Variants in ACVR1 observed in about 807,000 individuals in gnomAD.
ACVR1 encodes the protein activin A receptor type 1.
A neutral mutation model predicts 57.1 loss-of-function variants in ACVR1; 38 were observed. The ratio of observed to expected loss-of-function variants is 0.67; its 90% confidence interval spans 0.51 to 0.87. The LOEUF is 0.87. Among genes scored for constraint, ACVR1 ranks in the 40% least tolerant of loss-of-function variants. The pLI is 0.00. For missense variants in ACVR1, 463 were observed against 638.2 expected, an observed-to-expected ratio of 0.73 and a Z score of 2.96; for synonymous variants, 212 against 228.1, an observed-to-expected ratio of 0.93 and a Z score of 0.63.
intron 2 of ACVR1, among the ~76,000 whole-genome samples, chr2:157,800,341 A>G (rs560468658): frequency 6.4e-4 from 98 of 152,166 alleles, no homozygotes; most frequent in Admixed American, 2.0e-3. Flanking sequence ...AAATCAAATT[A>G]TTTAGGCTGG....
At chr2:157,752,186 CT>C (rs576968217) in intron 9 of ACVR1, among the ~76,000 whole-genome samples, 9 of 152,152 alleles carry the variant, frequency 5.9e-5, no homozygotes, top group Non-Finnish European at 1.2e-4. Context: ...GTGTGGGTGG[CT>C]AGATCCAGAA....
intron 8 of ACVR1, among the ~76,000 whole-genome samples, chr2:157,762,899 T>C (rs1042024382): frequency 1.3e-5 from 2 of 152,180 alleles, no homozygotes; most frequent in African/African-American, 4.8e-5. Flanking sequence ...CAGCTCTGGT[T>C]GAGCGTTCAG....
At chr2:157,799,331 T>C (rs1437650561) in intron 3 of ACVR1, 96 bp downstream of exon 3, 5 of 818,222 alleles carry the variant, frequency 6.1e-6, no homozygotes, top group Admixed American at 4.0e-5. Flanking sequence ...AAAAAGAGTG[T>C]TTTAAGTTTG....
intron 1 of ACVR1, among the ~76,000 whole-genome samples, chr2:157,847,829 A>AG (rs1689170297): frequency 6.6e-6 from 1 of 152,162 alleles, no homozygotes; most frequent in South Asian, 2.1e-4. Flanking sequence ...TGAACTGGGG[A>AG]GGGGGCGAGG....
chr2:157,813,800 G>A (rs1649287424), intron 2 of ACVR1, among the ~76,000 whole-genome samples: 2 of 152,148 alleles, frequency 1.3e-5, no homozygotes, highest in South Asian at 2.1e-4. Context: ...CTTGGTTACA[G>A]CAATTCAACC....
intron 1 of ACVR1, among the ~76,000 whole-genome samples, chr2:157,818,841 G>A (rs1171572093): frequency 6.6e-6 from 1 of 152,050 alleles, no homozygotes; most frequent in Admixed American, 6.5e-5. Flanking sequence ...CACTTTGGGA[G>A]GCCGAGGCGG....
At chr2:157,871,445 G>A (rs1690110695) in intron 1 of ACVR1, among the ~76,000 whole-genome samples, 1 of 152,166 alleles carries the variant, frequency 6.6e-6, no homozygotes, top group African/African-American at 2.4e-5. Context: ...TATGCTAAAA[G>A]TGGTCTCACC....
chr2:157,774,175 G>A lies in ACVR1; in HGVS notation c.556C>T (p.His186Tyr), dbSNP rs751891766. Residue 186 changes from histidine to tyrosine, a missense_variant, in exon 6 of 11, where the codon CAT becomes TAT. Physicochemically the swap from His to Tyr is moderately conservative, Grantham distance 83. Transcript: ENST00000434821. ...GAGCCACTTCCTGATGTACACGAAT[G>A]ATCCAATAAATCCTGTGGTTTAAGA... Reference protein sequence around the residue: ...GDSTLADLLDHSCTSGSGSGL... With the variant: ...GDSTLADLLDYSCTSGSGSGL... The A allele has an allele frequency of 6.2e-7, 1 of 1,613,906 alleles. No homozygotes were observed. Among genetic ancestry groups the A allele is most frequent in the Non-Finnish European group, 8.5e-7 (1 of 1,179,838 alleles).
chr2:157,769,835 G>A (rs960892051), intron 7 of ACVR1, among the ~76,000 whole-genome samples: 3 of 152,096 alleles, frequency 2.0e-5, no homozygotes, highest in Admixed American at 1.3e-4. Flanking sequence ...GTATTTCAAC[G>A]GGCACTTTAC....
intron 2 of ACVR1, among the ~76,000 whole-genome samples, chr2:157,817,192 G>A (rs1217170341): frequency 2.0e-5 from 3 of 151,890 alleles, no homozygotes; most frequent in African/African-American, 4.8e-5. Context: ...CAAACTCCTG[G>A]GCATAACCAA....
At chr2:157,858,882 G>A (rs556725821) in intron 1 of ACVR1, among the ~76,000 whole-genome samples, 15 of 152,186 alleles carry the variant, frequency 9.9e-5, no homozygotes, top group African/African-American at 3.6e-4. Context: ...GCCTCCCTAA[G>A]TGCTAGAATT....
intron 1 of ACVR1, among the ~76,000 whole-genome samples, chr2:157,850,604 C>T (rs1689261665): frequency 1.3e-5 from 2 of 152,152 alleles, no homozygotes; most frequent in South Asian, 4.1e-4. Context: ...GACTTGACAA[C>T]ATCTCTTATG....
intron 9 of ACVR1, among the ~76,000 whole-genome samples, chr2:157,752,318 G>A (rs1685233819): frequency 6.6e-6 from 1 of 152,200 alleles, no homozygotes. Flanking sequence ...GCAGCCTTGA[G>A]CCCCAGACCT....
intron 1 of ACVR1, among the ~76,000 whole-genome samples, chr2:157,839,504 A>G (rs1688904374): frequency 6.6e-6 from 1 of 152,194 alleles, no homozygotes; most frequent in African/African-American, 2.4e-5. Context: ...CCCAAAATGA[A>G]TCTGAATGGC....
chr2:157,779,509 T>TA (rs1360500515), intron 4 of ACVR1, among the ~76,000 whole-genome samples: 1 of 152,242 alleles, frequency 6.6e-6, no homozygotes, highest in African/African-American at 2.4e-5. Flanking sequence ...TTCTGCCTCC[T>TA]TTCTTGCTGG....
chr2:157,784,700 A>G (rs1308488164), intron 3 of ACVR1, among the ~76,000 whole-genome samples: 1 of 152,208 alleles, frequency 6.6e-6, no homozygotes, highest in Non-Finnish European at 1.5e-5. Flanking sequence ...CAGGGAGAAT[A>G]CGGGGCTGGC....
At chr2:157,867,352 G>C (rs1689974622) in intron 1 of ACVR1, among the ~76,000 whole-genome samples, 1 of 152,150 alleles carries the variant, frequency 6.6e-6, no homozygotes, top group South Asian at 2.1e-4. Context: ...CTAACAGAAG[G>C]CTATGTGCCA....
chr2:157,865,185 A>C (rs958534782), intron 1 of ACVR1, among the ~76,000 whole-genome samples: 1 of 152,114 alleles, frequency 6.6e-6, no homozygotes, highest in Non-Finnish European at 1.5e-5. Flanking sequence ...AAATTACTAA[A>C]CTTTAGAAAT....
At chr2:157,838,116 T>C (rs1688853082) in intron 1 of ACVR1, 1 of 152,110 alleles carries the variant, frequency 6.6e-6, no homozygotes, top group African/African-American at 2.4e-5. Flanking sequence ...CACTCTTTAA[T>C]CCAAACAACA....
Sources: gnomAD v4.1 joint callset for allele counts (sites outside exome capture counted in the v4.1 genomes callset) on GRCh38, gnomAD v4.1.1 for gene constraint, MANE v1.5 for transcripts, NCBI Gene and HGNC (gene_info 2026-07-23, HGNC 2026-07-21) for gene names.